PHACTR1: variants seen among roughly 807,000 people sequenced by gnomAD.
PHACTR1 encodes phosphatase and actin regulator 1.
In PHACTR1, 16 loss-of-function variants were observed where a neutral mutation model predicts 69.2. The observed-to-expected ratio is 0.23, with a 90% CI of 0.16 to 0.35. PHACTR1 has a LOEUF of 0.35. Ranked by LOEUF, PHACTR1 falls within the 10% of genes least tolerant of loss-of-function variation. PHACTR1 has a pLI of 1.00. For synonymous variants in PHACTR1, 312 were observed against 284.5 expected (o/e 1.10, Z -0.97); for missense variants, 510 against 734.7 (o/e 0.69, Z 3.54).
chr6:12,933,511 G>A, intron 4 of PHACTR1: 1 of 1,476,794 alleles, frequency 6.8e-7, no homozygotes, highest in Non-Finnish European at 9.0e-7. Flanking sequence ...GCAGCAAACA[G>A]ATCGGTTAGA....
In PHACTR1 at chr6:12,854,029, G is replaced by T. The variant is rs533785136; in HGVS notation, c.250+104239G>T. Among the ~76,000 whole-genome samples, 4 of 152,312 alleles carry T rather than the reference G, an allele frequency of 2.6e-5. No homozygotes were observed. In the East Asian group the frequency reaches 7.7e-4, roughly 29 times the overall value. On this transcript the variant is annotated intron_variant, in intron 4 of 14. Transcript: ENST00000332995. Reference sequence around the variant, plus strand: ...ATAGGCGTTGTCAATACGTATAGGTGGAACTACATGTATTGACAACCCCAG... The same window carrying T: ...ATAGGCGTTGTCAATACGTATAGGTTGAACTACATGTATTGACAACCCCAG...
intron 4 of PHACTR1, among the ~76,000 whole-genome samples, chr6:12,879,600 A>G (rs1782878401): frequency 6.6e-6 from 1 of 152,290 alleles, no homozygotes; most frequent in Middle Eastern, 3.4e-3. Context: ...GACTTGATGC[A>G]GGGCTAGGTC....
At chr6:13,065,828 A>C (rs917896481) in intron 5 of PHACTR1, among the ~76,000 whole-genome samples, 6 of 152,192 alleles carry the variant, frequency 3.9e-5, no homozygotes, top group Non-Finnish European at 7.3e-5. Context: ...CATGCAAATA[A>C]TCAGAGCACT....
In PHACTR1 at chr6:12,984,290, T is replaced by A. The variant is rs139982907; in HGVS notation, c.251-69075T>A. 3.2e-3 allele frequency among the ~76,000 whole-genome samples: 495 copies of A among 152,376 alleles called. 1 individual carries two copies. Among genetic ancestry groups the A allele is most frequent in the African/African-American group, 0.011 (465 of 41,594 alleles). ...TGTATTTTGAATTTAGATTAAAACC[T>A]AACTAGTCTGGGGCCATATAGTCAA... On this transcript the variant is annotated intron_variant, in intron 4 of 14. Coordinates refer to ENST00000332995, the MANE Select transcript of PHACTR1 (RefSeq NM_030948.6).
chr6:13,030,867 C>A (rs975324169), intron 4 of PHACTR1, among the ~76,000 whole-genome samples: 88 of 152,168 alleles, frequency 5.8e-4, no homozygotes, highest in African/African-American at 2.1e-3. Context: ...ATACAGACAG[C>A]AGGATTTATT....
At chr6:12,903,456 T>A (rs1785407709) in intron 4 of PHACTR1, among the ~76,000 whole-genome samples, 1 of 152,182 alleles carries the variant, frequency 6.6e-6, no homozygotes, top group African/African-American at 2.4e-5. Flanking sequence ...TAAACAAATT[T>A]CACTTCCTTA....
intron 4 of PHACTR1, among the ~76,000 whole-genome samples, chr6:12,833,894 C>T (rs948078490): frequency 1.3e-5 from 2 of 152,114 alleles, no homozygotes; most frequent in Admixed American, 6.5e-5. Context: ...CTTGGGCACT[C>T]TGACATTTGC....
chr6:13,083,239 A>G (rs1241923249), intron 5 of PHACTR1, among the ~76,000 whole-genome samples: 5 of 152,118 alleles, frequency 3.3e-5, no homozygotes, highest in African/African-American at 1.2e-4. Flanking sequence ...AGGTTTGTCA[A>G]AGATCAGATA....
At chr6:13,044,939 TTA>T (rs34353332) in intron 4 of PHACTR1, among the ~76,000 whole-genome samples, 25,328 of 152,056 alleles carry the variant, frequency 0.17, 2,564 homozygotes, top group South Asian at 0.26. Context: ...TACATCTATA[TTA>T]TATGACATTT....
chr6:13,062,332 G>C (rs1303887975), intron 5 of PHACTR1, among the ~76,000 whole-genome samples: 1 of 152,102 alleles, frequency 6.6e-6, no homozygotes, highest in Non-Finnish European at 1.5e-5. Flanking sequence ...AATCAAACAA[G>C]GACCAGCCCT....
At chr6:12,832,897 C>T (rs1384802770) in intron 4 of PHACTR1, among the ~76,000 whole-genome samples, 1 of 152,134 alleles carries the variant, frequency 6.6e-6, no homozygotes, top group African/African-American at 2.4e-5. Flanking sequence ...ACTTCTTTTC[C>T]ATCACAATCA....
intron 9 of PHACTR1, 93 bp from the exon 10 acceptor site, chr6:13,229,944 C>T (rs970697575): frequency 1.8e-5 from 25 of 1,397,770 alleles, no homozygotes; most frequent in Non-Finnish European, 2.3e-5. Context: ...TTGATGACTT[C>T]CTTCCTGCCT....
intron 4 of PHACTR1, among the ~76,000 whole-genome samples, chr6:12,974,772 T>C (rs1043711320): frequency 2.6e-5 from 4 of 152,140 alleles, no homozygotes; most frequent in African/African-American, 9.7e-5. Flanking sequence ...GTGCAAGCAA[T>C]ATTTTGAGAG....
At chr6:12,880,506 T>C (rs772425561) in intron 4 of PHACTR1, among the ~76,000 whole-genome samples, 2 of 152,116 alleles carry the variant, frequency 1.3e-5, no homozygotes, top group African/African-American at 2.4e-5. Context: ...TCTGTCCACA[T>C]TGGCATCCCA....
At chr6:13,013,448 T>G (rs562358599) in intron 4 of PHACTR1, among the ~76,000 whole-genome samples, 23 of 152,280 alleles carry the variant, frequency 1.5e-4, no homozygotes, top group African/African-American at 5.3e-4. Flanking sequence ...TGTGAAACAT[T>G]TTGCTTTCAT....
At chr6:12,949,931 T>C (rs2127552294) in intron 4 of PHACTR1, among the ~76,000 whole-genome samples, 1 of 152,302 alleles carries the variant, frequency 6.6e-6, no homozygotes, top group East Asian at 1.9e-4. Flanking sequence ...GGCCAAGCCT[T>C]ATATACACCC....
At chr6:13,135,423 C>T (rs1233679058) in intron 5 of PHACTR1, among the ~76,000 whole-genome samples, 4 of 152,334 alleles carry the variant, frequency 2.6e-5, no homozygotes, top group African/African-American at 9.6e-5. Context: ...ATGCAGACTC[C>T]GTAATTCTTC....
At chr6:12,941,076 A>G (rs1055701721) in intron 4 of PHACTR1, among the ~76,000 whole-genome samples, 14 of 152,312 alleles carry the variant, frequency 9.2e-5, no homozygotes, top group African/African-American at 2.6e-4. Flanking sequence ...TATGGCATCA[A>G]TCTCATATGA....
At chr6:13,016,778 C>G (rs1800239178) in intron 4 of PHACTR1, among the ~76,000 whole-genome samples, 1 of 152,122 alleles carries the variant, frequency 6.6e-6, no homozygotes, top group African/African-American at 2.4e-5. Context: ...TCCGTCTTTG[C>G]TGTTTTGGTT....
Sources: gnomAD v4.1 joint callset for allele counts (sites outside exome capture counted in the v4.1 genomes callset) on GRCh38, gnomAD v4.1.1 for gene constraint, MANE v1.5 for transcripts, NCBI Gene and HGNC (gene_info 2026-07-23, HGNC 2026-07-21) for gene names.